Variants in EPS15L1 observed in about 807,000 individuals in gnomAD.
EPS15L1 encodes the protein epidermal growth factor receptor substrate 15-like 1.
Under a neutral mutation model 117.1 loss-of-function variants are expected in EPS15L1, and 43 were observed. The observed-to-expected ratio is 0.37, with a 90% CI of 0.29 to 0.47. The LOEUF (loss-of-function observed/expected upper bound fraction) is 0.47, where lower values mean the gene tolerates loss of function less well. EPS15L1 is among the 20% of genes least tolerant of loss of function. The pLI is 0.99. For missense variants in EPS15L1, 981 were observed against 1,164.0 expected, an observed-to-expected ratio of 0.84 and a Z score of 2.29; for synonymous variants, 459 against 470.5, an observed-to-expected ratio of 0.98 and a Z score of 0.32.
chr19:16,374,990 G>A (rs926150931), intron 22 of EPS15L1, among the ~76,000 whole-genome samples: 2 of 152,246 alleles, frequency 1.3e-5, no homozygotes, highest in Non-Finnish European at 2.9e-5. Context: ...ACATATATAA[G>A]CATGGAGGGT....
chr19:16,446,226 T>C (rs1203168216), intron 1 of EPS15L1, among the ~76,000 whole-genome samples: 1 of 152,050 alleles, frequency 6.6e-6, no homozygotes, highest in Non-Finnish European at 1.5e-5. Flanking sequence ...CAGAACCACC[T>C]CGGAGGAGAA....
Position 16,441,943 on chromosome 19 carries a change from T to G in EPS15L1, c.114A>C (p.Glu38Asp). ...CAGACTTCTTTAGAAAAAGCGCAGC[T>G]TCACTCGCCCCCACCCTCCCTGTGT... is the stretch of plus-strand genomic sequence containing the variant. ...PAYTGRVGAS[E>D]AALFLKKSGL... The change falls in exon 3 of 24, where the codon GAA becomes GAC. Residue 38 changes from glutamate (E) to aspartate (D), a missense_variant. By Grantham distance (45) the Glu-to-Asp change is conservative (BLOSUM62 2). Around this residue, in one of 5 missense-constraint regions of EPS15L1, gnomAD observed 62 missense variants for 104.2 expected, o/e 0.59. Coordinates refer to ENST00000455140, the MANE Select transcript of EPS15L1 (RefSeq NM_001258374.3). 1 of 1,614,120 alleles carries G rather than the reference T, an allele frequency of 6.2e-7. No homozygotes were observed. Among genetic ancestry groups the G allele is most frequent in the Non-Finnish European group, 8.5e-7 (1 of 1,180,000 alleles).
At chr19:16,386,269 C>T (rs1054736934) in intron 19 of EPS15L1, 38 bp from the exon 20 acceptor site, 11 of 1,547,638 alleles carry the variant, frequency 7.1e-6, no homozygotes, top group East Asian at 2.3e-5. Context: ...AAAAGCAGTT[C>T]GTTGGTTCCA....
intron 19 of EPS15L1, among the ~76,000 whole-genome samples, chr19:16,387,563 T>C (rs1416076261): frequency 6.6e-6 from 1 of 152,242 alleles, no homozygotes; most frequent in African/African-American, 2.4e-5. Context: ...GCCGAGATTA[T>C]GCCATTGCAC....
chr19:16,361,518 A>C (rs1281551714), intron 23 of EPS15L1: 1 of 1,098,568 alleles, frequency 9.1e-7, no homozygotes, highest in Non-Finnish European at 1.1e-6. Context: ...ACCGTGAAGG[A>C]CAGATAGGTC....
intron 16 of EPS15L1, chr19:16,401,253 C>T: frequency 2.0e-6 from 2 of 985,470 alleles, no homozygotes; most frequent in Non-Finnish European, 2.4e-6. Flanking sequence ...CAGTGCCTTC[C>T]CAGCAGCCCA....
intron 16 of EPS15L1, among the ~76,000 whole-genome samples, chr19:16,400,367 AAAAAC>A (rs1568418781): frequency 7.9e-5 from 12 of 151,950 alleles, no homozygotes; most frequent in Admixed American, 4.6e-4. Context: ...AAAAAAAAAA[AAAAAC>A]CCCTGACTTT....
At position 16,405,653 on chromosome 19, in the gene EPS15L1, C is replaced by T. The variant is rs185987478; in HGVS notation, c.1267-904G>A. ...CCTTGGCCATGGAACGGGATGGCGC[C>T]GTGTGCTTTGCCTTACAGTGGGACA... On this transcript the variant is annotated intron_variant, in intron 13 of 23. Coordinates refer to ENST00000455140, the MANE Select transcript of EPS15L1 (RefSeq NM_001258374.3). This position sits in a 1 kb window ranked among gnomAD's most constrained non-coding sequence, Gnocchi z 4.0. Among the ~76,000 whole-genome samples the T allele has an allele frequency of 9.8e-5, 15 of 152,300 alleles. No individual in the cohort carries two copies. Among genetic ancestry groups the T allele is most frequent in the African/African-American group, 1.4e-4 (6 of 41,566 alleles).
In EPS15L1 at chr19:16,371,849, C is replaced by T. The variant is rs1179893854; in HGVS notation, c.2380+5273G>A. 1.3e-5 allele frequency among the ~76,000 whole-genome samples: 2 copies of T among 152,190 alleles called. No homozygotes were observed. Among genetic ancestry groups the T allele is most frequent in the Non-Finnish European group, 2.9e-5 (2 of 68,020 alleles). ...GTGAGCTCTGACTGATCTTGATCTC[C>T]GGTCCGTTGCAGAAAATATACCATT... On this transcript the variant is annotated intron_variant, in intron 22 of 23. Coordinates refer to ENST00000455140, the MANE Select transcript of EPS15L1 (RefSeq NM_001258374.3). This position sits in a 1 kb window ranked among gnomAD's most constrained non-coding sequence, Gnocchi z 4.7.
Position 16,403,740 on chromosome 19 carries a change from A to C in EPS15L1, c.1619T>G (p.Ile540Ser), listed in dbSNP as rs1182609450. ...CCCGACTCCGTGAAGTACCTGGTTG[A>C]TTTCGTCTTGCGTTGACTTCAGGGA... Reference protein sequence around the residue: ...IKSLKSTQDEINQARSKLSQL... With the variant: ...IKSLKSTQDESNQARSKLSQL... The change falls in exon 15 of 24, where the codon ATC becomes AGC. Residue 540 changes from isoleucine (I) to serine (S), a missense_variant. Transcript: ENST00000455140. The C allele has an allele frequency of 6.2e-7, 1 of 1,612,500 alleles. No homozygotes were observed. Among genetic ancestry groups the C allele is most frequent in the South Asian group, 1.1e-5 (1 of 91,066 alleles).
Position 16,371,271 on chromosome 19 carries a change from T to C in EPS15L1, c.2380+5851A>G, listed in dbSNP as rs1277151395. Reference sequence around the variant, plus strand: ...AGGACCTCAGGGCTTCCTCGGTGGCTGCATCCTGTGTGGCACCCCCGGCAG... The same window carrying C: ...AGGACCTCAGGGCTTCCTCGGTGGCCGCATCCTGTGTGGCACCCCCGGCAG... On this transcript the variant is annotated intron_variant, in intron 22 of 23. Transcript: ENST00000455140. The surrounding 1 kb of genome is among the most constrained non-coding windows in gnomAD (Gnocchi z 4.7). Among the ~76,000 whole-genome samples the C allele has an allele frequency of 6.6e-6, 1 of 152,114 alleles. No homozygotes were observed. Among genetic ancestry groups the C allele is most frequent in the Non-Finnish European group, 1.5e-5 (1 of 68,028 alleles).
intron 6 of EPS15L1, 71 bp downstream of exon 6, chr19:16,436,866 A>G: frequency 8.0e-7 from 1 of 1,253,606 alleles, no homozygotes; most frequent in Non-Finnish European, 1.2e-6. Context: ...TTCCAGAACA[A>G]TTCTAGAACA....
chr19:16,472,008 G>T (rs896939212), upstream of EPS15L1: 3 of 1,212,724 alleles, frequency 2.5e-6, no homozygotes, highest in African/African-American at 4.7e-5. Flanking sequence ...CCACGCGTGC[G>T]CACTGGGACG....
chr19:16,470,447 C>T (rs2145222334), intron 1 of EPS15L1, among the ~76,000 whole-genome samples: 1 of 152,090 alleles, frequency 6.6e-6, no homozygotes, highest in Non-Finnish European at 1.5e-5. Context: ...ACTGGGAGTG[C>T]TTAGTGCTTT....
intron 1 of EPS15L1, among the ~76,000 whole-genome samples, chr19:16,454,563 C>A (rs1016848435): frequency 2.6e-5 from 4 of 152,152 alleles, no homozygotes; most frequent in Non-Finnish European, 5.9e-5. Flanking sequence ...CCCCAGGGAC[C>A]CAAATGAGTG....
chr19:16,454,105 G>C (rs192459822), intron 1 of EPS15L1, among the ~76,000 whole-genome samples: 14 of 152,164 alleles, frequency 9.2e-5, no homozygotes, highest in Admixed American at 3.9e-4. Context: ...ATGCAGGAGT[G>C]GGGGAAGGGT....
At chr19:16,399,903 T>C (rs1359346432) in intron 16 of EPS15L1, among the ~76,000 whole-genome samples, 1 of 152,180 alleles carries the variant, frequency 6.6e-6, no homozygotes, top group Non-Finnish European at 1.5e-5. Context: ...GACAGATCAA[T>C]CAACCTTTCT....
Position 16,386,111 on chromosome 19 carries a change from G to A in EPS15L1, c.2164+60C>T, listed in dbSNP as rs937920102. 2.6e-5 allele frequency: 34 copies of A among 1,300,422 alleles called. No homozygotes were observed. In the African/African-American group the frequency reaches 2.8e-4, roughly 11 times the overall value. The allele number at this position is 1,300,422 out of a possible 1,614,324, so 80.6% of individuals were successfully genotyped here. A position where few individuals can be genotyped will look rare whatever the true frequency, so the allele number is the denominator to read the frequency against. On this transcript the variant is annotated intron_variant, in intron 20 of 23. Transcript: ENST00000455140. ...CTTTGGGAGTGAAAGTGTTAACTGC[G>A]GGGGAGCTCTGCTACTGCCCAAGGA...
intron 16 of EPS15L1, among the ~76,000 whole-genome samples, chr19:16,400,199 T>C (rs1316201806): frequency 6.6e-6 from 1 of 152,030 alleles, no homozygotes. Flanking sequence ...TAGCTGGGCA[T>C]GGTGGCACGT....
Sources: allele counts gnomAD v4.1 joint callset (sites outside exome capture counted in the v4.1 genomes callset), GRCh38; gene constraint gnomAD v4.1.1; regional missense constraint gnomAD v4.1.1; non-coding constraint Gnocchi (gnomAD v3.1); transcripts MANE v1.5; gene names NCBI Gene and HGNC (gene_info 2026-07-23, HGNC 2026-07-21).